Variants in MYOF observed in about 807,000 individuals in gnomAD.
MYOF encodes fer-1-like 3, myoferlin.
A neutral mutation model predicts 284.2 loss-of-function variants in MYOF; 244 were observed. The observed-to-expected ratio is 0.86, with a 90% CI of 0.77 to 0.95. MYOF has a LOEUF of 0.95. Among genes scored for constraint, MYOF ranks in the 40% least tolerant of loss-of-function variants. The pLI, the probability that MYOF is intolerant of heterozygous loss-of-function variation, is 0.00. For synonymous variants in MYOF, 904 were observed against 919.7 expected (o/e 0.98, Z 0.31); for missense variants, 2,496 against 2,560.6 (o/e 0.97, Z 0.54).
At chr10:93,383,574 T>C (rs1017487460) in intron 19 of MYOF, among the ~76,000 whole-genome samples, 1 of 152,184 alleles carries the variant, frequency 6.6e-6, no homozygotes, top group Admixed American at 6.5e-5. Flanking sequence ...CCCCCTGGAA[T>C]ACCCGTGGTC....
intron 16 of MYOF, among the ~76,000 whole-genome samples, chr10:93,394,719 C>CT (rs1846905481): frequency 1.3e-5 from 2 of 149,920 alleles, no homozygotes; most frequent in African/African-American, 4.9e-5. Context: ...CTCAGCCTCC[C>CT]AAAGTGCTGG....
chr10:93,361,805 G>A (rs1322372868), intron 27 of MYOF, among the ~76,000 whole-genome samples: 2 of 152,092 alleles, frequency 1.3e-5, no homozygotes, highest in East Asian at 3.8e-4. Flanking sequence ...ATGTGAAATT[G>A]CTGTTGTTAT....
intron 20 of MYOF, among the ~76,000 whole-genome samples, chr10:93,380,212 C>G (rs912991933): frequency 2.6e-5 from 4 of 152,142 alleles, no homozygotes; most frequent in Admixed American, 2.6e-4. Context: ...GTAAACTGAG[C>G]ACAGCAATCT....
At chr10:93,382,771 CTG>C (rs1435279860) in intron 19 of MYOF, among the ~76,000 whole-genome samples, 1 of 152,196 alleles carries the variant, frequency 6.6e-6, no homozygotes, top group African/African-American at 2.4e-5. Context: ...GTTTAGGTTG[CTG>C]TGTTTCATTA....
chr10:93,454,965 C>T (rs996447358), intron 2 of MYOF, among the ~76,000 whole-genome samples: 9 of 123,198 alleles, frequency 7.3e-5, no homozygotes, highest in Non-Finnish European at 1.3e-4. Context: ...GGTGACAGAG[C>T]GAGACCCTGT....
intron 9 of MYOF, 106 bp from the exon 10 acceptor site, chr10:93,402,996 A>T (rs1414119181): frequency 2.1e-6 from 2 of 971,846 alleles, no homozygotes; most frequent in African/African-American, 3.3e-5. Flanking sequence ...ATTACACTTA[A>T]ATTTCCTTGA....
At chr10:93,363,034 C>A (rs770739374) in intron 27 of MYOF, among the ~76,000 whole-genome samples, 1 of 152,096 alleles carries the variant, frequency 6.6e-6, no homozygotes, top group Non-Finnish European at 1.5e-5. Flanking sequence ...ACCAAAAGCA[C>A]CTAAATGCCC....
intron 3 of MYOF, among the ~76,000 whole-genome samples, chr10:93,444,097 C>A (rs1165859403): frequency 2.0e-5 from 3 of 152,166 alleles, no homozygotes; most frequent in Admixed American, 6.5e-5. Context: ...CAGCTTAAAC[C>A]CAAGTTGGAA....
At chr10:93,478,316 G>A in intron 1 of MYOF, 1 of 214,156 alleles carries the variant, frequency 4.7e-6, no homozygotes, top group Non-Finnish European at 9.5e-6. Flanking sequence ...GGGCAGAATG[G>A]CCACCCCTGG....
intron 30 of MYOF, among the ~76,000 whole-genome samples, chr10:93,356,364 G>A (rs76913215): frequency 2.6e-5 from 4 of 152,176 alleles, no homozygotes; most frequent in African/African-American, 9.7e-5. Context: ...GTGATTCAAA[G>A]AACTTGTGCC....
intron 53 of MYOF, among the ~76,000 whole-genome samples, chr10:93,308,567 A>C (rs556989152): frequency 7.1e-6 from 1 of 140,534 alleles, no homozygotes; most frequent in Non-Finnish European, 1.5e-5. Flanking sequence ...CCTGGGTGAT[A>C]GAGTGAGACT....
intron 24 of MYOF, among the ~76,000 whole-genome samples, chr10:93,372,306 T>C (rs787646): frequency 0.35 from 53,363 of 152,012 alleles, 10,588 homozygotes; most frequent in Non-Finnish European, 0.46. Context: ...ACAGAGTTCT[T>C]AATACGGGGC....
chr10:93,338,975 T>C (rs573372469), intron 39 of MYOF, among the ~76,000 whole-genome samples: 1 of 149,216 alleles, frequency 6.7e-6, no homozygotes, highest in African/African-American at 2.5e-5. Flanking sequence ...CAGTAGAGCC[T>C]CTTGGGGGAA....
At chr10:93,458,041 G>C (rs2056786707) in intron 1 of MYOF, among the ~76,000 whole-genome samples, 1 of 151,912 alleles carries the variant, frequency 6.6e-6, no homozygotes, top group Non-Finnish European at 1.5e-5. Flanking sequence ...ACTGCGCCCG[G>C]CATTCATCTA....
At chr10:93,412,974 G>A (rs701877) in intron 5 of MYOF, among the ~76,000 whole-genome samples, 134,317 of 151,964 alleles carry the variant, frequency 0.88, 60,352 homozygotes, top group Non-Finnish European at 0.96. Flanking sequence ...CCTCCAAGCA[G>A]CGAAGACGAA....
At chr10:93,412,864 A>G (rs1847958259) in intron 5 of MYOF, among the ~76,000 whole-genome samples, 1 of 152,054 alleles carries the variant, frequency 6.6e-6, no homozygotes, top group African/African-American at 2.4e-5. Context: ...GCTCCTCCCA[A>G]CCTTGGCACC....
Position 93,433,493 on chromosome 10 carries a change from A to G in MYOF, c.237-1977T>C, listed in dbSNP as rs540044074. 1.4e-4 allele frequency among the ~76,000 whole-genome samples: 21 copies of G among 151,296 alleles called. No homozygotes were observed. The East Asian group carries it at 3.1e-3, about 22-fold the overall frequency. Reference sequence around the variant, plus strand: ...GAATTTTTAACTGTTACTTACTTATATCCTGTCTACATCGGCACTGACTTG... The same window carrying G: ...GAATTTTTAACTGTTACTTACTTATGTCCTGTCTACATCGGCACTGACTTG... On this transcript the variant is annotated intron_variant, in intron 3 of 53. Coordinates refer to ENST00000359263, the MANE Select transcript of MYOF (RefSeq NM_013451.4).
Position 93,356,755 on chromosome 10 carries a change from G to A in MYOF, c.3214C>T (p.Arg1072Cys), listed in dbSNP as rs201916621. The change falls in exon 30 of 54, where the codon CGC becomes TGC. Residue 1072 changes from arginine to cysteine, a missense_variant. By Grantham distance (180) the Arg-to-Cys change is radical. Coordinates refer to ENST00000359263, the MANE Select transcript of MYOF (RefSeq NM_013451.4). ...HWKQRSSDTFRRRRWRRKMAP... is the reference protein window; with the variant it reads ...HWKQRSSDTFCRRRWRRKMAP... ...ATTTTTCTCCTCCAGCGTCTGCGGCGGAAGGTATCTGAACTACGTTGTTTC... is the reference window on the plus strand; with the variant it reads ...ATTTTTCTCCTCCAGCGTCTGCGGCAGAAGGTATCTGAACTACGTTGTTTC... 3.8e-4 allele frequency: 611 copies of A among 1,614,060 alleles called. No homozygotes were observed. Among genetic ancestry groups the A allele is most frequent in the Non-Finnish European group, 4.7e-4 (551 of 1,180,012 alleles).
intron 51 of MYOF, 107 bp from the exon 52 acceptor site, chr10:93,310,750 A>G (rs954060794): frequency 9.5e-7 from 1 of 1,055,034 alleles, no homozygotes; most frequent in Non-Finnish European, 1.4e-6. Context: ...CTTGTAAAAC[A>G]ATCCTTAGAT....
Sources: gnomAD v4.1 joint callset for allele counts (sites outside exome capture counted in the v4.1 genomes callset) on GRCh38, gnomAD v4.1.1 for gene constraint, MANE v1.5 for transcripts, NCBI Gene and HGNC (gene_info 2026-07-23, HGNC 2026-07-21) for gene names.